PHACTR1: variants seen among roughly 807,000 people sequenced by gnomAD.
PHACTR1 encodes the protein RPEL repeat containing 1.
PHACTR1 carries 16 observed loss-of-function variants against 69.2 expected under a neutral mutation model. The ratio of observed to expected loss-of-function variants is 0.23; its 90% CI spans 0.16 to 0.35. PHACTR1 has a LOEUF of 0.35. Among genes scored for constraint, PHACTR1 ranks in the 10% least tolerant of loss-of-function variants. The pLI is 1.00. For synonymous variants in PHACTR1, 312 were observed against 284.5 expected (o/e 1.10, Z -0.97); for missense variants, 510 against 734.7 (o/e 0.69, Z 3.54).
intron 5 of PHACTR1, among the ~76,000 whole-genome samples, chr6:13,070,885 G>A (rs527927057): frequency 6.6e-6 from 1 of 151,870 alleles, no homozygotes; most frequent in East Asian, 1.9e-4. Flanking sequence ...TGTTGATGGT[G>A]ATTTCTTTGT....
At chr6:13,160,941 T>C (rs550418128) in intron 6 of PHACTR1, among the ~76,000 whole-genome samples, 17 of 152,320 alleles carry the variant, frequency 1.1e-4, no homozygotes, top group African/African-American at 3.4e-4. Flanking sequence ...TGAAGTATCC[T>C]TCACTCCTCT....
At chr6:12,968,065 C>T (rs537289141) in intron 4 of PHACTR1, among the ~76,000 whole-genome samples, 1 of 152,244 alleles carries the variant, frequency 6.6e-6, no homozygotes, top group East Asian at 1.9e-4. Flanking sequence ...GTTATGTGCC[C>T]TCTCCACTCA....
At chr6:13,095,841 C>T (rs2127843444) in intron 5 of PHACTR1, among the ~76,000 whole-genome samples, 1 of 130,470 alleles carries the variant, frequency 7.7e-6, no homozygotes, top group African/African-American at 2.8e-5. Flanking sequence ...TGGGTTTTGA[C>T]CCATTGGCTT....
intron 4 of PHACTR1, among the ~76,000 whole-genome samples, chr6:12,984,324 C>T (rs2127596655): frequency 6.6e-6 from 1 of 152,214 alleles, no homozygotes; most frequent in East Asian, 1.9e-4. Context: ...AAGAGTGTGG[C>T]CTTTTTTGTT....
At chr6:13,240,951 T>C (rs1227320045) in intron 10 of PHACTR1, among the ~76,000 whole-genome samples, 3 of 152,230 alleles carry the variant, frequency 2.0e-5, no homozygotes, top group Non-Finnish European at 4.4e-5. Context: ...ATGAGGAAAC[T>C]GAACCAATGA....
chr6:13,116,157 C>G (rs573720575), intron 5 of PHACTR1, among the ~76,000 whole-genome samples: 9 of 152,152 alleles, frequency 5.9e-5, no homozygotes, highest in African/African-American at 2.2e-4. Context: ...CTCCAGTTCT[C>G]GTGGACACTA....
At position 12,835,384 on chromosome 6, in the gene PHACTR1, G is replaced by T. The variant is rs574339207; in HGVS notation, c.250+85594G>T. 4.6e-4 allele frequency among the ~76,000 whole-genome samples: 70 copies of T among 152,180 alleles called. 1 individual carries two copies. Among genetic ancestry groups the T allele is most frequent in the Non-Finnish European group, 8.8e-4 (60 of 67,982 alleles). ...GCTCCCTGGCCTAACCCTTAATCAAGGAGACGACTGTTGCAGTACGACAGG... is the reference window on the plus strand; with the variant it reads ...GCTCCCTGGCCTAACCCTTAATCAATGAGACGACTGTTGCAGTACGACAGG... On this transcript the variant is annotated intron_variant, in intron 4 of 14. Transcript: ENST00000332995.
chr6:13,240,434 TG>T (rs1158077387), intron 10 of PHACTR1, among the ~76,000 whole-genome samples: 3 of 152,032 alleles, frequency 2.0e-5, no homozygotes, highest in Admixed American at 6.6e-5. Flanking sequence ...TTTTTGTTGT[TG>T]TTTTTTTGTT....
At chr6:13,070,717 C>T (rs760178044) in intron 5 of PHACTR1, among the ~76,000 whole-genome samples, 96 of 152,030 alleles carry the variant, frequency 6.3e-4, no homozygotes, top group African/African-American at 1.9e-3. Context: ...ACAACAGAAA[C>T]GATTGGAAAT....
At chr6:12,825,894 T>C (rs1179769664) in intron 4 of PHACTR1, among the ~76,000 whole-genome samples, 1 of 151,900 alleles carries the variant, frequency 6.6e-6, no homozygotes, top group Admixed American at 6.6e-5. Context: ...ACATTACAAA[T>C]AACACATGAA....
At chr6:13,284,931 G>C (rs961576865) in intron 13 of PHACTR1, among the ~76,000 whole-genome samples, 22 of 152,158 alleles carry the variant, frequency 1.4e-4, no homozygotes, top group African/African-American at 5.1e-4. Flanking sequence ...TGTAAACACA[G>C]CATTCACATC....
intron 5 of PHACTR1, among the ~76,000 whole-genome samples, chr6:13,087,888 C>T (rs1251470148): frequency 3.3e-5 from 5 of 152,046 alleles, no homozygotes. Flanking sequence ...CTCAAGCAGT[C>T]CTCCCACCTT....
At chr6:12,882,394 A>AT (rs1359129736) in intron 4 of PHACTR1, among the ~76,000 whole-genome samples, 18 of 152,164 alleles carry the variant, frequency 1.2e-4, no homozygotes, top group African/African-American at 4.3e-4. Flanking sequence ...AGATCCACAT[A>AT]GTGACTTTTT....
chr6:12,953,532 A>G (rs770163061), intron 4 of PHACTR1, among the ~76,000 whole-genome samples: 3 of 152,254 alleles, frequency 2.0e-5, no homozygotes, highest in Non-Finnish European at 2.9e-5. Context: ...CTTTGGAGAC[A>G]CAACTACACA....
chr6:12,724,614 C>G (rs566190130), intron 3 of PHACTR1, among the ~76,000 whole-genome samples: 2 of 152,300 alleles, frequency 1.3e-5, no homozygotes, highest in South Asian at 4.1e-4. Flanking sequence ...GAGGCAACCT[C>G]TCATCTAGTT....
At chr6:12,948,791 G>A (rs1468165018) in intron 4 of PHACTR1, among the ~76,000 whole-genome samples, 1 of 152,132 alleles carries the variant, frequency 6.6e-6, no homozygotes, top group Non-Finnish European at 1.5e-5. Context: ...ACTCAAAGTT[G>A]CTCTCACATT....
intron 4 of PHACTR1, among the ~76,000 whole-genome samples, chr6:12,987,123 G>A (rs1796279892): frequency 6.6e-6 from 1 of 152,106 alleles, no homozygotes; most frequent in African/African-American, 2.4e-5. Flanking sequence ...GGATGATTAT[G>A]ATTATAGCCA....
intron 5 of PHACTR1, among the ~76,000 whole-genome samples, chr6:13,130,845 A>T (rs1294898074): frequency 6.6e-6 from 1 of 152,114 alleles, no homozygotes; most frequent in African/African-American, 2.4e-5. Context: ...CCAGGAAAGG[A>T]CATAACAAAA....
rs116224110 is a variant in PHACTR1, at chr6:13,233,844, A to G, written c.1391+3651A>G. 1.6e-3 allele frequency among the ~76,000 whole-genome samples: 246 copies of G among 152,364 alleles called. 1 individual carries two copies. The highest frequency in any genetic ancestry group is 5.7e-3 in the African/African-American group (237 of 41,592). On this transcript the variant is annotated intron_variant, in intron 10 of 14. Coordinates refer to ENST00000332995, the MANE Select transcript of PHACTR1 (RefSeq NM_030948.6). ...TATTCAAGCCATTGAGATGGCCTGC[A>G]TCCTTCCTCTGAATCCACTTTGTCC...
Sources: allele counts gnomAD v4.1 joint callset (sites outside exome capture counted in the v4.1 genomes callset), GRCh38; gene constraint gnomAD v4.1.1; transcripts MANE v1.5; gene names NCBI Gene and HGNC (gene_info 2026-07-23, HGNC 2026-07-21).